Variants in SETD2 observed in about 807,000 individuals in gnomAD.
SETD2 encodes the protein SET domain containing 2, histone lysine methyltransferase, also known as histone-lysine N-methyltransferase SETD2.
In SETD2, 31 loss-of-function variants were observed where a neutral mutation model predicts 242.1. The observed-to-expected ratio is 0.13, with a 90% CI of 0.10 to 0.17. The LOEUF is 0.17. SETD2 is among the 10% of genes least tolerant of loss of function. SETD2 has a pLI of 1.00. For missense variants in SETD2, 2,481 were observed against 3,046.3 expected (o/e 0.81, Z 4.37); for synonymous variants, 1,006 against 1,066.5 (o/e 0.94, Z 1.11).
chr3:47,046,525 T>C lies in SETD2; in HGVS notation c.7060A>G (p.Thr2354Ala), dbSNP rs145377213. 139 of 1,612,416 alleles carry C rather than the reference T, an allele frequency of 8.6e-5. No homozygotes were observed. The highest frequency in any genetic ancestry group is 1.2e-4 in the Non-Finnish European group (136 of 1,179,038). Residue 2354 changes from threonine to alanine, a missense_variant, in exon 16 of 21, where the codon ACA becomes GCA. By Grantham distance (58) the Thr-to-Ala change is moderately conservative. Coordinates refer to ENST00000409792, the MANE Select transcript of SETD2 (RefSeq NM_014159.7). The stretch of plus-strand genomic sequence containing the variant: ...TGAGGCTGCCCTGGTGCAACTATTG[T>C]AGTCACTGCTGCGGCTGGCTGTACC... ...VVVQPAAAVT[T>A]IVAPGQPQPL...
At chr3:47,128,586 CA>C (rs2043403005) in intron 1 of SETD2, among the ~76,000 whole-genome samples, 2 of 152,046 alleles carry the variant, frequency 1.3e-5, no homozygotes, top group Admixed American at 6.6e-5. Flanking sequence ...CAAGTAATGA[CA>C]GGGGGAGAGG....
intron 18 of SETD2, among the ~76,000 whole-genome samples, chr3:47,031,111 T>C (rs1250977947): frequency 6.6e-6 from 1 of 152,206 alleles, no homozygotes; most frequent in Non-Finnish European, 1.5e-5. Flanking sequence ...GAAGGCATGA[T>C]GAGTAAGCAG....
intron 1 of SETD2, among the ~76,000 whole-genome samples, chr3:47,146,701 C>T (rs2043864173): frequency 1.3e-5 from 2 of 151,822 alleles, no homozygotes; most frequent in African/African-American, 4.8e-5. Context: ...TTCTAAGAGG[C>T]CAAGGCGAGA....
At chr3:47,043,206 T>C (rs985499516) in intron 16 of SETD2, among the ~76,000 whole-genome samples, 4 of 152,164 alleles carry the variant, frequency 2.6e-5, no homozygotes, top group African/African-American at 9.7e-5. Flanking sequence ...TGATTTTTGT[T>C]TCCCCAAAAC....
Position 47,084,128 on chromosome 3 carries a change from T to C in SETD2, c.5652A>G (p.Ile1884Met). The C allele has an allele frequency of 6.2e-7, 1 of 1,614,182 alleles. No homozygotes were observed. Among genetic ancestry groups the C allele is most frequent in the South Asian group, 1.1e-5 (1 of 91,084 alleles). The change falls in exon 12 of 21, where the codon ATA (isoleucine) becomes ATG (methionine). Residue 1884 changes from isoleucine (I) to methionine (M), a missense_variant. Physicochemically the swap from Ile to Met is conservative, Grantham distance 10. This residue lies in a region of SETD2 where 203 missense variants were observed against 222.4 expected (regional missense o/e 0.91). Coordinates refer to ENST00000409792, the MANE Select transcript of SETD2 (RefSeq NM_014159.7). ...TTGCACTGTCCATGCTATTTTCACT[T>C]ATAATTTTCAGTCTGCGAAACATTA... Reference protein sequence around the residue: ...KKLMFRRLKIISENSMDSAIS... With the variant: ...KKLMFRRLKIMSENSMDSAIS...
chr3:47,091,938 C>T (rs1575758814), intron 9 of SETD2, among the ~76,000 whole-genome samples: 1 of 151,842 alleles, frequency 6.6e-6, no homozygotes, highest in Non-Finnish European at 1.5e-5. Flanking sequence ...GAGCAAAATA[C>T]TCTCTTAAAA....
chr3:47,071,615 G>C (rs1039873461), intron 12 of SETD2, among the ~76,000 whole-genome samples: 1 of 151,806 alleles, frequency 6.6e-6, no homozygotes, highest in African/African-American at 2.4e-5. Flanking sequence ...CACAATTTGG[G>C]GAAATTTAAG....
chr3:47,056,679 C>T, intron 15 of SETD2, 142 bp downstream of exon 15: 1 of 670,110 alleles, frequency 1.5e-6, no homozygotes. Flanking sequence ...GGCAATATTT[C>T]ACACAATAGA....
rs2043055283 is a variant in SETD2, at chr3:47,120,939, T to C, written c.3697A>G (p.Thr1233Ala). The C allele has an allele frequency of 6.2e-7, 1 of 1,614,224 alleles. No individual in the cohort carries two copies. Among genetic ancestry groups the C allele is most frequent in the Non-Finnish European group, 8.5e-7 (1 of 1,180,022 alleles). ...QNRPDSRLGK[T>A]ELSFSSSCEI... ...CAAGAGGAAGAAAAACTCAATTCTG[T>C]TTTTCCCAGTCTACTATCTGGCCTG... The change falls in exon 3 of 21, where the codon ACA (threonine) becomes GCA (alanine). Residue 1233 changes from threonine (T) to alanine (A), a missense_variant. Coordinates refer to ENST00000409792, the MANE Select transcript of SETD2 (RefSeq NM_014159.7).
chr3:47,118,805 G>A (rs1208335403), intron 3 of SETD2, among the ~76,000 whole-genome samples: 1 of 151,978 alleles, frequency 6.6e-6, no homozygotes, highest in East Asian at 1.9e-4. Context: ...AGAAAAGTCA[G>A]AGAATTGGAC....
In SETD2 at chr3:47,126,555, A is replaced by G. The variant is rs184426935; in HGVS notation, c.87+93T>C. 7.7e-6 allele frequency: 5 copies of G among 645,992 alleles called. No individual in the cohort carries two copies. The Admixed American group carries it at 1.5e-4, about 19-fold the overall frequency. The allele number at this position is 645,992 out of a possible 1,614,324, so 40.0% of individuals were successfully genotyped here. A position where few individuals can be genotyped will look rare whatever the true frequency, so the allele number is the denominator to read the frequency against. Reference sequence around the variant, plus strand: ...TCATTTCACATTCAAAATGATAGCTACATTTTGAGTGTTTTCAGCTTTTAC... The same window carrying G: ...TCATTTCACATTCAAAATGATAGCTGCATTTTGAGTGTTTTCAGCTTTTAC... On this transcript the variant is annotated intron_variant, in intron 2 of 20. Coordinates refer to ENST00000409792, the MANE Select transcript of SETD2 (RefSeq NM_014159.7).
At chr3:47,052,174 T>C (rs778498358) in intron 15 of SETD2, among the ~76,000 whole-genome samples, 10 of 152,176 alleles carry the variant, frequency 6.6e-5, no homozygotes, top group Non-Finnish European at 1.2e-4. Context: ...TTGTTTTTTC[T>C]GTATCACAGA....
rs2107745422 is a variant in SETD2 at position 47,120,743 on chromosome 3, T to C, written c.3893A>G (p.Asp1298Gly). ...CCAGTAACCATTGCCTTGCCAGTAA[T>C]CACGTGTCCCACCATACTGTTCTGC... ...QNAEQYGGTR[D>G]YWQGNGYWDP... Residue 1298 changes from aspartate (D) to glycine (G), a missense_variant, in exon 3 of 21, where the codon GAT (aspartate) becomes GGT (glycine). Coordinates refer to ENST00000409792, the MANE Select transcript of SETD2 (RefSeq NM_014159.7). 6.2e-7 allele frequency: 1 copy of C among 1,614,184 alleles called. No individual in the cohort carries two copies. The highest frequency in any genetic ancestry group is 1.7e-5 in the Admixed American group (1 of 60,024).
chr3:47,138,278 C>CT (rs746392835), intron 1 of SETD2: 471 of 276,582 alleles, frequency 1.7e-3, no homozygotes, highest in South Asian at 2.7e-3. Flanking sequence ...GGCCCACTTT[C>CT]TTTTTTTTTG....
intron 12 of SETD2, among the ~76,000 whole-genome samples, chr3:47,078,861 G>A (rs1226456783): frequency 1.3e-5 from 2 of 151,810 alleles, no homozygotes; most frequent in Non-Finnish European, 1.5e-5. Flanking sequence ...CTCCCAAGTG[G>A]CTGGGACTAC....
chr3:47,132,131 C>CTTTTT (rs531246872), intron 1 of SETD2, among the ~76,000 whole-genome samples: 2 of 129,610 alleles, frequency 1.5e-5, no homozygotes, highest in African/African-American at 2.9e-5. Flanking sequence ...ATACACATAT[C>CTTTTT]TTTTTTTTTT....
chr3:47,090,311 TAA>T (rs1372278486), intron 9 of SETD2, among the ~76,000 whole-genome samples: 2 of 152,122 alleles, frequency 1.3e-5, no homozygotes, highest in Non-Finnish European at 2.9e-5. Flanking sequence ...CAATTTAACA[TAA>T]AATAACTTGA....
chr3:47,066,004 C>A (rs1031383020), intron 13 of SETD2, among the ~76,000 whole-genome samples: 12 of 152,146 alleles, frequency 7.9e-5, no homozygotes, highest in African/African-American at 2.2e-4. Flanking sequence ...TGAGTTTGAA[C>A]TGGATGAAAG....
chr3:47,038,321 C>T (rs1475838286), intron 17 of SETD2, among the ~76,000 whole-genome samples: 1 of 152,126 alleles, frequency 6.6e-6, no homozygotes, highest in Non-Finnish European at 1.5e-5. Flanking sequence ...AGGTTAAAAA[C>T]TTGTACCCCT....
Sources: gnomAD v4.1 joint callset for allele counts (sites outside exome capture counted in the v4.1 genomes callset) on GRCh38, gnomAD v4.1.1 for gene constraint, gnomAD v4.1.1 regional missense constraint, MANE v1.5 for transcripts, NCBI Gene and HGNC (gene_info 2026-07-23, HGNC 2026-07-21) for gene names.